CNTNAP2: variants seen among roughly 807,000 people sequenced by gnomAD.
CNTNAP2 encodes the protein contactin associated protein 2, also known as contactin-associated protein-like 2.
In CNTNAP2, 98 loss-of-function variants were observed where a neutral mutation model predicts 155.2. That is an observed-to-expected ratio of 0.63 (90% CI 0.54 to 0.75). The LOEUF is 0.75. Ranked by LOEUF, CNTNAP2 falls within the 30% of genes least tolerant of loss-of-function variation. CNTNAP2 has a pLI of 0.00. For synonymous variants in CNTNAP2, 651 were observed against 631.2 expected (o/e 1.03, Z -0.47); for missense variants, 1,727 against 1,688.1 (o/e 1.02, Z -0.40).
chr7:148,089,540 ATTTCAT>A (rs1301864733), intron 15 of CNTNAP2, among the ~76,000 whole-genome samples: 1 of 151,918 alleles, frequency 6.6e-6, no homozygotes, highest in Non-Finnish European at 1.5e-5. Flanking sequence ...AAAGAAAACA[ATTTCAT>A]TTACAATACT....
At chr7:147,822,556 A>G (rs1200379372) in intron 13 of CNTNAP2, among the ~76,000 whole-genome samples, 1 of 152,088 alleles carries the variant, frequency 6.6e-6, no homozygotes, top group Non-Finnish European at 1.5e-5. Context: ...AGCCTGCCAG[A>G]TTATGTCAAA....
intron 21 of CNTNAP2, among the ~76,000 whole-genome samples, chr7:148,365,444 TC>T (rs1241116831): frequency 1.3e-5 from 2 of 152,008 alleles, no homozygotes; most frequent in African/African-American, 4.8e-5. Context: ...GTGGGCAGAC[TC>T]CCTGAGGTCA....
At chr7:147,115,901 G>A (rs528593218) in intron 5 of CNTNAP2, among the ~76,000 whole-genome samples, 75 of 152,226 alleles carry the variant, frequency 4.9e-4, no homozygotes, top group African/African-American at 1.7e-3. Flanking sequence ...TCGGCTTTTT[G>A]ATTTTTCAGA....
intron 15 of CNTNAP2, among the ~76,000 whole-genome samples, chr7:148,106,493 G>GATAGATATATATATATAT (rs1490418389): frequency 7.2e-5 from 9 of 124,924 alleles, no homozygotes; most frequent in African/African-American, 2.8e-4. Context: ...CACACTTTGA[G>GATAGATATATATATATAT]ATATATATAT....
chr7:146,303,071 CATGTGTGTGTGTGT>C (rs1442945957), intron 1 of CNTNAP2, among the ~76,000 whole-genome samples: 22 of 128,156 alleles, frequency 1.7e-4, no homozygotes, highest in African/African-American at 7.5e-4. Flanking sequence ...CCTTTGTGTG[CATGTGTGTGTGTGT>C]GTGTGTGTGT....
chr7:146,369,056 T>TAC (rs1795196640), intron 1 of CNTNAP2, among the ~76,000 whole-genome samples: 1 of 144,862 alleles, frequency 6.9e-6, no homozygotes, highest in Non-Finnish European at 1.5e-5. Context: ...TATATACATA[T>TAC]ATATATATAC....
chr7:146,186,661 T>G (rs1402553159), intron 1 of CNTNAP2, among the ~76,000 whole-genome samples: 1 of 152,200 alleles, frequency 6.6e-6, no homozygotes, highest in African/African-American at 2.4e-5. Context: ...ATGAAATCCT[T>G]GGTCACATTC....
At chr7:146,498,000 A>G (rs997941225) in intron 1 of CNTNAP2, among the ~76,000 whole-genome samples, 1 of 151,910 alleles carries the variant, frequency 6.6e-6, no homozygotes, top group Non-Finnish European at 1.5e-5. Context: ...CTGGAGTTGA[A>G]ATAAAGAAAA....
At chr7:147,028,275 A>C (rs921776324) in intron 3 of CNTNAP2, among the ~76,000 whole-genome samples, 5 of 152,236 alleles carry the variant, frequency 3.3e-5, no homozygotes, top group African/African-American at 1.2e-4. Context: ...GATGGAAATG[A>C]GCTTCTATCC....
intron 21 of CNTNAP2, among the ~76,000 whole-genome samples, chr7:148,326,322 G>A (rs770820587): frequency 5.9e-5 from 9 of 152,068 alleles, no homozygotes; most frequent in African/African-American, 2.2e-4. Context: ...CTGGCCTCTC[G>A]GTTATGGGTC....
chr7:146,716,368 G>C (rs1045766953), intron 1 of CNTNAP2, among the ~76,000 whole-genome samples: 22 of 151,316 alleles, frequency 1.5e-4, no homozygotes, highest in Admixed American at 1.1e-3. Context: ...AGAAATCAGT[G>C]GTTTAAAAAA....
chr7:148,004,702 A>G (rs1171747725), intron 15 of CNTNAP2, among the ~76,000 whole-genome samples: 3 of 152,210 alleles, frequency 2.0e-5, no homozygotes, highest in Admixed American at 6.5e-5. Context: ...TTTAATATGT[A>G]ATGAAAATGC....
intron 13 of CNTNAP2, among the ~76,000 whole-genome samples, chr7:147,803,431 C>A (rs141258336): frequency 1.3e-5 from 2 of 152,228 alleles, no homozygotes; most frequent in East Asian, 1.9e-4. Context: ...CTGGTGGCAC[C>A]GCAGGGAAAA....
chr7:147,009,130 A>G (rs936784602), intron 3 of CNTNAP2, among the ~76,000 whole-genome samples: 1 of 152,050 alleles, frequency 6.6e-6, no homozygotes, highest in Non-Finnish European at 1.5e-5. Flanking sequence ...ACATACACAA[A>G]CATACATATA....
At chr7:147,279,881 T>C (rs1804990457) in intron 8 of CNTNAP2, among the ~76,000 whole-genome samples, 1 of 151,858 alleles carries the variant, frequency 6.6e-6, no homozygotes, top group African/African-American at 2.4e-5. Context: ...AGGGATTTAT[T>C]AGGATGTTTA....
At chr7:146,880,763 C>T (rs954070583) in intron 3 of CNTNAP2, among the ~76,000 whole-genome samples, 3 of 152,082 alleles carry the variant, frequency 2.0e-5, no homozygotes, top group Admixed American at 6.6e-5. Flanking sequence ...ATTTTGTCAT[C>T]TCTTTGGAAA....
In CNTNAP2 at chr7:146,184,746, A is replaced by C. The variant is rs1250012232; in HGVS notation, c.97+67773A>C. On this transcript the variant is annotated intron_variant, in intron 1 of 23. Coordinates refer to ENST00000361727, the MANE Select transcript of CNTNAP2 (RefSeq NM_014141.6). ...AAAGGATAATCTAGTTATCTTGATG[A>C]ATTTATCCTTTGTAGTTGAAAGAAG... 2.0e-5 allele frequency among the ~76,000 whole-genome samples: 3 copies of C among 152,190 alleles called. No individual in the cohort carries two copies. The East Asian group carries it at 5.8e-4, about 29-fold the overall frequency.
chr7:147,097,796 T>C (rs1340130890), intron 4 of CNTNAP2, among the ~76,000 whole-genome samples: 1 of 152,182 alleles, frequency 6.6e-6, no homozygotes, highest in East Asian at 1.9e-4. Flanking sequence ...ATTAAGATGG[T>C]GGGAAAATGA....
At chr7:146,742,784 T>C (rs1260997725) in intron 1 of CNTNAP2, among the ~76,000 whole-genome samples, 1 of 152,188 alleles carries the variant, frequency 6.6e-6, no homozygotes, top group African/African-American at 2.4e-5. Flanking sequence ...ATAGATATAT[T>C]CGGGAAACGA....
Sources: gnomAD v4.1 joint callset for allele counts (sites outside exome capture counted in the v4.1 genomes callset) on GRCh38, gnomAD v4.1.1 for gene constraint, MANE v1.5 for transcripts, NCBI Gene and HGNC (gene_info 2026-07-23, HGNC 2026-07-21) for gene names.